The following JSRP1 variants were observed in gnomAD, a reference collection of about 807,000 sequenced individuals.
JSRP1 encodes the protein 2310032K21Rik.
A neutral mutation model predicts 21.4 loss-of-function variants in JSRP1; 29 were observed. That is an observed-to-expected ratio of 1.36 (90% CI 1.01 to 1.85). JSRP1 has a LOEUF of 1.85. Among genes scored for constraint, JSRP1 ranks in the 40% most tolerant of loss-of-function variants. JSRP1 has a pLI of 0.00. For missense variants in JSRP1, 531 were observed against 461.5 expected (o/e 1.15, Z -1.38); for synonymous variants, 221 against 206.1 (o/e 1.07, Z -0.62).
chr19:2,255,745 C>T (rs1344594360), intron 1 of JSRP1, among the ~76,000 whole-genome samples: 2 of 152,158 alleles, frequency 1.3e-5, no homozygotes, highest in Non-Finnish European at 2.9e-5. Flanking sequence ...CTGAGGCCAG[C>T]GGGACAGGCT....
Position 2,255,927 on chromosome 19 carries a change from G to A in JSRP1, c.-31+456C>T, listed in dbSNP as rs11671564. Among the ~76,000 whole-genome samples the A allele has an allele frequency of 2.4e-3, 373 of 152,306 alleles. 4 individuals carry two copies. Among genetic ancestry groups the A allele is most frequent in the Middle Eastern group, 0.014 (4 of 294 alleles). ...CTGGTCGTGACAGGCCGGGGCAGGG[G>A]AGGAGGGTCCCGGTTGTGGTTGGGG... On this transcript the variant is annotated intron_variant, in intron 1 of 6. Coordinates refer to ENST00000300961, the MANE Select transcript of JSRP1 (RefSeq NM_144616.4).
intron 5 of JSRP1, among the ~76,000 whole-genome samples, chr19:2,253,389 C>T (rs1279118132): frequency 6.6e-6 from 1 of 152,202 alleles, no homozygotes; most frequent in African/African-American, 2.4e-5. Flanking sequence ...AAGCCAGAAC[C>T]TACTCGCGGC....
At chr19:2,255,495 G>A (rs539821679) in intron 1 of JSRP1, among the ~76,000 whole-genome samples, 151 bp from the exon 2 acceptor site, 4 of 152,128 alleles carry the variant, frequency 2.6e-5, no homozygotes, top group South Asian at 4.2e-4. Flanking sequence ...GGCATGGCCC[G>A]GCGCCCACTC....
rs1177026781 is a variant in JSRP1, at chr19:2,252,449, T to C, written c.876A>G (p.Ala292=). The C allele has an allele frequency of 1.2e-6, 2 of 1,611,158 alleles. No individual in the cohort carries two copies. The highest frequency in any genetic ancestry group is 1.7e-6 in the Non-Finnish European group (2 of 1,179,638). The part of the protein sequence containing the change: ...ESREGGHRPW[A]RDSRDAEPRK... ...TGGGCTCGGCGTCCCTGGAGTCCCG[T>C]GCCCACGGCCGGTGGCCCCCTTCGC... The change falls in exon 7 of 7, where the codon GCA becomes GCG. Residue 292 remains alanine (A), a synonymous_variant. Transcript: ENST00000300961.
At position 2,252,596 on chromosome 19, in the gene JSRP1, C is replaced by T. The variant is rs745858316; in HGVS notation, c.729G>A (p.Gly243=). ...TCCGCGGCTTCTCCTTCCGCGGCTTCCCCTCTCTCCGAGGCCTCTCCTTGG... is the reference window on the plus strand; with the variant it reads ...TCCGCGGCTTCTCCTTCCGCGGCTTTCCCTCTCTCCGAGGCCTCTCCTTGG... The part of the protein sequence containing the change: ...RGPKERPRRE[G]KPRKEKPRKE... Residue 243 remains glycine, a synonymous_variant, in exon 7 of 7, where the codon GGG becomes GGA. Coordinates refer to ENST00000300961, the MANE Select transcript of JSRP1 (RefSeq NM_144616.4). 1.9e-6 allele frequency: 3 copies of T among 1,612,726 alleles called. No individual in the cohort carries two copies. The highest frequency in any genetic ancestry group is 1.7e-6 in the Non-Finnish European group (2 of 1,179,888).
rs200486829 is a variant in JSRP1 at position 2,252,532 on chromosome 19, C to G, written c.793G>C (p.Glu265Gln). The change falls in exon 7 of 7, where the codon GAG (glutamate) becomes CAG (glutamine). Residue 265 changes from glutamate (E) to glutamine (Q), a missense_variant. Coordinates refer to ENST00000300961, the MANE Select transcript of JSRP1 (RefSeq NM_144616.4). Reference protein sequence around the residue: ...RPKKERPRKEERPRAAREPRE... With the variant: ...RPKKERPRKEQRPRAAREPRE... ...GGCTCCCTGGCGGCCCGTGGCCTCT[C>G]CTCTTTCCGCGGCCTCTCTTTCTTA... 12 of 1,612,866 alleles carry G rather than the reference C, an allele frequency of 7.4e-6. No individual in the cohort carries two copies. The South Asian group carries it at 1.2e-4, about 16-fold the overall frequency.
chr19:2,254,561 C>G, intron 2 of JSRP1, 79 bp from the exon 3 acceptor site: 1 of 1,519,674 alleles, frequency 6.6e-7, no homozygotes, highest in Non-Finnish European at 9.1e-7. Context: ...TGCTGGGTGA[C>G]GTGCGGGTGA....
rs527724993 is a variant in JSRP1 at position 2,252,319 on chromosome 19, C to T, written c.*10G>A. ...CAGAAGGGGCCCCTGGACTCCGGCG[C>T]GGGGCCGGCTCAGTCCCGCCCCTTG... On this transcript the variant is annotated 3_prime_UTR_variant, in exon 7 of 7. Transcript: ENST00000300961. The T allele has an allele frequency of 1.3e-5, 19 of 1,452,692 alleles. No individual in the cohort carries two copies. Among genetic ancestry groups the T allele is most frequent in the Non-Finnish European group, 1.6e-5 (18 of 1,108,496 alleles). The allele number at this position is 1,452,692 out of a possible 1,614,324, so 90.0% of individuals were successfully genotyped here.
intron 4 of JSRP1, among the ~76,000 whole-genome samples, 190 bp from the exon 5 acceptor site, chr19:2,253,983 G>A (rs1360941271): frequency 6.6e-6 from 1 of 152,200 alleles, no homozygotes; most frequent in Non-Finnish European, 1.5e-5. Flanking sequence ...GTTTCTGGAA[G>A]GTAACTTCCC....
intron 4 of JSRP1, among the ~76,000 whole-genome samples, 186 bp downstream of exon 4, chr19:2,254,001 A>G (rs2025110782): frequency 6.6e-6 from 1 of 152,170 alleles, no homozygotes; most frequent in Admixed American, 6.5e-5. Context: ...CCCGGAGCTG[A>G]GTGGCATAGC....
Position 2,252,253 on chromosome 19 carries a change from G to T in JSRP1, c.*76C>A. The T allele has an allele frequency of 7.6e-7, 1 of 1,317,962 alleles. No homozygotes were observed. The highest frequency in any genetic ancestry group is 1.5e-5 in the South Asian group (1 of 64,658). 81.6% of individuals were successfully genotyped at this position (1,317,962 alleles called of 1,614,324 possible). ...GCGTAAAGGAGCAGGTGACTCTGCGGCCGCAGCACTCGCTTTATTTCGCCA... is the reference window on the plus strand; with the variant it reads ...GCGTAAAGGAGCAGGTGACTCTGCGTCCGCAGCACTCGCTTTATTTCGCCA... On this transcript the variant is annotated 3_prime_UTR_variant, in exon 7 of 7. Coordinates refer to ENST00000300961, the MANE Select transcript of JSRP1 (RefSeq NM_144616.4).
Position 2,252,687 on chromosome 19 carries a change from T to G in JSRP1, c.638A>C (p.Glu213Ala), listed in dbSNP as rs1332943655. ...CTCTCCGGTGGCCTCGCCGGGCTCC[T>G]CTTCGTCGTTCTCTGCAGCCTCCCG... ...GSREAAENDEEEPGEATGEAV... is the reference protein window; with the variant it reads ...GSREAAENDEAEPGEATGEAV... Residue 213 changes from glutamate (E) to alanine (A), a missense_variant, in exon 7 of 7, where the codon GAG becomes GCG. Coordinates refer to ENST00000300961, the MANE Select transcript of JSRP1 (RefSeq NM_144616.4). 6.2e-7 allele frequency: 1 copy of G among 1,612,150 alleles called. No individual in the cohort carries two copies. Among genetic ancestry groups the G allele is most frequent in the Non-Finnish European group, 8.5e-7 (1 of 1,179,918 alleles).
chr19:2,252,563 C>T lies in JSRP1; in HGVS notation c.762G>A (p.Glu254=), dbSNP rs758680927. The change falls in exon 7 of 7, where the codon GAG becomes GAA. Residue 254 remains glutamate (E), a synonymous_variant. Coordinates refer to ENST00000300961, the MANE Select transcript of JSRP1 (RefSeq NM_144616.4). ...TCCGCGGCCTCTCTTTCTTAGGTCT[C>T]TCCTCCTTCCGCGGCTTCTCCTTCC... ...KPRKEKPRKE[E]RPKKERPRKE... The T allele has an allele frequency of 1.6e-5, 25 of 1,612,770 alleles. No individual in the cohort carries two copies. Among genetic ancestry groups the T allele is most frequent in the Non-Finnish European group, 1.9e-5 (23 of 1,179,914 alleles).
intron 1 of JSRP1, among the ~76,000 whole-genome samples, 177 bp downstream of exon 1, chr19:2,256,206 G>C (rs1341745651): frequency 6.6e-6 from 1 of 152,164 alleles, no homozygotes; most frequent in African/African-American, 2.4e-5. Flanking sequence ...GCGTGGCAGT[G>C]GGGGAGGGGC....
At position 2,252,712 on chromosome 19, in the gene JSRP1, G is replaced by A. The variant is rs762131452; in HGVS notation, c.613C>T (p.Arg205Trp). 1.9e-6 allele frequency: 3 copies of A among 1,612,346 alleles called. No individual in the cohort carries two copies. In the Admixed American group the frequency reaches 5.0e-5, roughly 27 times the overall value. The change falls in exon 7 of 7, where the codon CGG becomes TGG. Residue 205 changes from arginine to tryptophan, a missense_variant. Physicochemically the swap from Arg to Trp is moderately radical, Grantham distance 101 (BLOSUM62 -3). Transcript: ENST00000300961. Reference sequence around the variant, plus strand: ...TCTTCGTCGTTCTCTGCAGCCTCCCGACTCCCGGGAATCTTGGGTCTGACC... The same window carrying A: ...TCTTCGTCGTTCTCTGCAGCCTCCCAACTCCCGGGAATCTTGGGTCTGACC... ...AEVRPKIPGS[R>W]EAAENDEEEP...
rs1036680491 is a variant in JSRP1 at position 2,252,328 on chromosome 19, C to T, written c.*1G>A. ...CCCCTGGACTCCGGCGCGGGGCCGG[C>T]TCAGTCCCGCCCCTTGCCTGCGCGG... is the stretch of plus-strand genomic sequence containing the variant. On this transcript the variant is annotated 3_prime_UTR_variant, in exon 7 of 7. Coordinates refer to ENST00000300961, the MANE Select transcript of JSRP1 (RefSeq NM_144616.4). 39 of 1,472,800 alleles carry T rather than the reference C, an allele frequency of 2.6e-5. No individual in the cohort carries two copies. Among genetic ancestry groups the T allele is most frequent in the Admixed American group, 7.7e-5 (3 of 38,850 alleles). 91.2% of individuals were successfully genotyped at this position (1,472,800 alleles called of 1,614,324 possible).
At chr19:2,254,541 C>A in intron 2 of JSRP1, 59 bp from the exon 3 acceptor site, 1 of 1,595,422 alleles carries the variant, frequency 6.3e-7, no homozygotes, top group South Asian at 1.1e-5. Flanking sequence ...CCCACCCTCT[C>A]CCCTGGCCCT....
Position 2,252,764 on chromosome 19 carries a change from C to T in JSRP1, c.561G>A (p.Ala187=), listed in dbSNP as rs778244490. ...CTGCCTCGGCCCGGGGCGCAGGCGG[C>T]GCTGATGGAGGCGCCTGGGCCTCGA... ...PKFEAQAPPS[A]PPAPRAEAEV... is the part of the protein sequence containing the mutation. The change falls in exon 7 of 7, where the codon GCG becomes GCA. Residue 187 remains alanine, a synonymous_variant. Coordinates refer to ENST00000300961, the MANE Select transcript of JSRP1 (RefSeq NM_144616.4). 23 of 1,612,192 alleles carry T rather than the reference C, an allele frequency of 1.4e-5. 1 individual carries two copies. The South Asian group carries it at 2.4e-4, about 17-fold the overall frequency.
At chr19:2,253,528 A>G in intron 5 of JSRP1, 92 bp downstream of exon 5, 1 of 1,275,010 alleles carries the variant, frequency 7.8e-7, no homozygotes, top group Non-Finnish European at 1.0e-6. Flanking sequence ...AGGCTCCCAG[A>G]CCCCACCCTG....
Sources: gnomAD v4.1 joint callset for allele counts (sites outside exome capture counted in the v4.1 genomes callset) on GRCh38, gnomAD v4.1.1 for gene constraint, MANE v1.5 for transcripts, NCBI Gene and HGNC (gene_info 2026-07-23, HGNC 2026-07-21) for gene names.